Variants in PCDHGA7 observed in about 807,000 individuals in gnomAD.
PCDHGA7 encodes the protein protocadherin gamma-A7.
In PCDHGA7, 44 loss-of-function variants were observed where a neutral mutation model predicts 58.3. The ratio of observed to expected loss-of-function variants is 0.75; its 90% CI spans 0.59 to 0.97. The LOEUF (loss-of-function observed/expected upper bound fraction) is 0.97, where lower values mean the gene tolerates loss of function less well. Ranked by LOEUF, PCDHGA7 falls within the 50% of genes least tolerant of loss-of-function variation. PCDHGA7 has a pLI of 0.00. For missense variants in PCDHGA7, 1,266 were observed against 1,188.7 expected (o/e 1.06, Z -0.96); for synonymous variants, 516 against 504.2 (o/e 1.02, Z -0.31).
chr5:141,447,056 G>A (rs1452688256), intron 1 of PCDHGA7, among the ~76,000 whole-genome samples: 1 of 152,058 alleles, frequency 6.6e-6, no homozygotes, highest in Non-Finnish European at 1.5e-5. Flanking sequence ...CTATTAAAAT[G>A]TGTCAGGCTG....
intron 1 of PCDHGA7, chr5:141,433,331 C>G: frequency 1.4e-6 from 1 of 699,624 alleles, no homozygotes; most frequent in South Asian, 1.9e-5. Context: ...GTAACAGGGA[C>G]TACAGGTGCA....
At position 141,409,469 on chromosome 5, in the gene PCDHGA7, G is replaced by A. The variant is rs1477896340; in HGVS notation, c.2424+24146G>A. On this transcript the variant is annotated intron_variant, in intron 1 of 3. Coordinates refer to ENST00000518325, the MANE Select transcript of PCDHGA7 (RefSeq NM_018920.4). ...GACACCAGAATACAATGTCACCATC[G>A]TAGCCACTGACAGGGGCAAGCCGCC... 9 of 1,613,740 alleles carry A rather than the reference G, an allele frequency of 5.6e-6. No individual in the cohort carries two copies. The African/African-American group carries it at 1.1e-4, about 19-fold the overall frequency.
chr5:141,491,131 G>A lies in PCDHGA7; in HGVS notation c.2425-3676G>A. 1 of 1,614,182 alleles carries A rather than the reference G, an allele frequency of 6.2e-7. No individual in the cohort carries two copies. Among genetic ancestry groups the A allele is most frequent in the Non-Finnish European group, 8.5e-7 (1 of 1,180,008 alleles). ...TACACACACTGGTGAGGTGCGCACA[G>A]CCCGGGCCTTACTGGAGGATGACTC... On this transcript the variant is annotated intron_variant, in intron 1 of 3. Coordinates refer to ENST00000518325, the MANE Select transcript of PCDHGA7 (RefSeq NM_018920.4). This position sits in a 1 kb window ranked among gnomAD's most constrained non-coding sequence, Gnocchi z 6.9.
chr5:141,386,745 G>A (rs2090694894), intron 1 of PCDHGA7, among the ~76,000 whole-genome samples: 1 of 152,124 alleles, frequency 6.6e-6, no homozygotes, highest in Non-Finnish European at 1.5e-5. Context: ...AGATCCTATG[G>A]CAGAACTACG....
chr5:141,493,052 T>G lies in PCDHGA7; in HGVS notation c.2425-1755T>G, dbSNP rs1362566525. 6.6e-6 allele frequency among the ~76,000 whole-genome samples: 1 copy of G among 152,104 alleles called. No individual in the cohort carries two copies. The highest frequency in any genetic ancestry group is 2.4e-5 in the African/African-American group (1 of 41,416). Reference sequence around the variant, plus strand: ...CTTATGTGTGAGGAAACTACAATAGTAAAAAACACAAGTTTCTCCAACTCC... The same window carrying G: ...CTTATGTGTGAGGAAACTACAATAGGAAAAAACACAAGTTTCTCCAACTCC... On this transcript the variant is annotated intron_variant, in intron 1 of 3. Coordinates refer to ENST00000518325, the MANE Select transcript of PCDHGA7 (RefSeq NM_018920.4). This position sits in a 1 kb window ranked among gnomAD's most constrained non-coding sequence, Gnocchi z 4.3.
intron 1 of PCDHGA7, among the ~76,000 whole-genome samples, chr5:141,460,445 G>A (rs896549154): frequency 7.2e-5 from 11 of 152,144 alleles, no homozygotes; most frequent in Admixed American, 5.9e-4. Flanking sequence ...AGGTAACAAT[G>A]AAGATTCATA....
chr5:141,497,832 G>C (rs1326640712), intron 2 of PCDHGA7, among the ~76,000 whole-genome samples: 1 of 151,992 alleles, frequency 6.6e-6, no homozygotes, highest in East Asian at 1.9e-4. Context: ...GATCGCCCCC[G>C]GCCACAACAA....
Position 141,504,006 on chromosome 5 carries a change from G to C in PCDHGA7, c.2484-1387G>C, listed in dbSNP as rs138738950. Among the ~76,000 whole-genome samples, 1,431 of 152,182 alleles carry C rather than the reference G, an allele frequency of 9.4e-3. 31 individuals are homozygous for C. The highest frequency in any genetic ancestry group is 0.033 in the African/African-American group (1,367 of 41,490). On this transcript the variant is annotated intron_variant, in intron 2 of 3. Coordinates refer to ENST00000518325, the MANE Select transcript of PCDHGA7 (RefSeq NM_018920.4). The stretch of plus-strand genomic sequence containing the variant: ...CTTCTTACCTTACAGTCACTTAACT[G>C]TCTCTGCTGGTCTCTTCCCACTCAT...
chr5:141,500,005 G>A (rs994274763), intron 2 of PCDHGA7, among the ~76,000 whole-genome samples: 30 of 151,476 alleles, frequency 2.0e-4, no homozygotes, highest in Non-Finnish European at 3.8e-4. Context: ...TCTTTCATAA[G>A]GTCCACATTT....
intron 1 of PCDHGA7, chr5:141,418,549 C>T: frequency 6.2e-7 from 1 of 1,614,024 alleles, no homozygotes; most frequent in Non-Finnish European, 8.5e-7. Context: ...AGATAAGAAT[C>T]CTGGTAATAG....
Position 141,393,710 on chromosome 5 carries a change from G to T in PCDHGA7, c.2424+8387G>T, listed in dbSNP as rs143738602. On this transcript the variant is annotated intron_variant, in intron 1 of 3. Transcript: ENST00000518325. Reference sequence around the variant, plus strand: ...TATTCCAGCTTAATGAAAATACTGGGGAAATATCAATAGCAAAAAGTCTAG... The same window carrying T: ...TATTCCAGCTTAATGAAAATACTGGTGAAATATCAATAGCAAAAAGTCTAG... 837 of 1,613,794 alleles carry T rather than the reference G, an allele frequency of 5.2e-4. 2 individuals carry two copies. In the African/African-American group the frequency reaches 1.0e-2, roughly 19 times the overall value.
chr5:141,414,868 G>C, intron 1 of PCDHGA7: 1 of 1,614,216 alleles, frequency 6.2e-7, no homozygotes, highest in Non-Finnish European at 8.5e-7. Flanking sequence ...CAATGCGCCC[G>C]AGATCCTGTA....
At chr5:141,394,753 A>G (rs2093084981) in intron 1 of PCDHGA7, 1 of 1,613,278 alleles carries the variant, frequency 6.2e-7, no homozygotes, top group Admixed American at 1.7e-5. Context: ...GTGGCCGTCC[A>G]GGACCATGGC....
chr5:141,450,386 A>T (rs1208546397), intron 1 of PCDHGA7, among the ~76,000 whole-genome samples: 2 of 152,192 alleles, frequency 1.3e-5, no homozygotes, highest in Non-Finnish European at 2.9e-5. Flanking sequence ...TGAAACTGAC[A>T]TTTGTAAAGA....
chr5:141,387,741 G>A, intron 1 of PCDHGA7: 7 of 1,332,868 alleles, frequency 5.3e-6, no homozygotes, highest in Non-Finnish European at 6.1e-6. Context: ...CCTTTACACC[G>A]CTTCCTCCTC....
Position 141,400,031 on chromosome 5 carries a change from G to A in PCDHGA7, c.2424+14708G>A, listed in dbSNP as rs373709904. The A allele has an allele frequency of 2.2e-5, 36 of 1,612,964 alleles. No individual in the cohort carries two copies. In the African/African-American group the frequency reaches 4.5e-4, roughly 20 times the overall value. The stretch of plus-strand genomic sequence containing the variant: ...GCCTTGGGCGACAGGGACGCGGCCC[G>A]CCAGCGCCTGCTGGTTGCTGTGCGT... On this transcript the variant is annotated intron_variant, in intron 1 of 3. Coordinates refer to ENST00000518325, the MANE Select transcript of PCDHGA7 (RefSeq NM_018920.4).
Position 141,485,152 on chromosome 5 carries a change from A to C in PCDHGA7, c.2425-9655A>C. ...CTTCATCCGCGTCTCAGGAGCAAGT[A>C]GAGAATTAGCGGGCGGCAGCAATGC... On this transcript the variant is annotated intron_variant, in intron 1 of 3. Coordinates refer to ENST00000518325, the MANE Select transcript of PCDHGA7 (RefSeq NM_018920.4). The surrounding 1 kb of genome is among the most constrained non-coding windows in gnomAD (Gnocchi z 5.7). 8.8e-6 allele frequency: 14 copies of C among 1,586,038 alleles called. No individual in the cohort carries two copies. The highest frequency in any genetic ancestry group is 1.0e-5 in the Non-Finnish European group (12 of 1,157,128).
intron 1 of PCDHGA7, among the ~76,000 whole-genome samples, chr5:141,465,505 G>A (rs905617997): frequency 6.6e-6 from 1 of 152,190 alleles, no homozygotes; most frequent in Non-Finnish European, 1.5e-5. Flanking sequence ...CATTGTCGTG[G>A]TCAGGAAGGA....
At chr5:141,439,631 A>G (rs1459977985) in intron 1 of PCDHGA7, among the ~76,000 whole-genome samples, 2 of 152,214 alleles carry the variant, frequency 1.3e-5, no homozygotes, top group African/African-American at 2.4e-5. Context: ...ATCCCCAGAC[A>G]TTCCGGCTTG....
Sources: allele counts gnomAD v4.1 joint callset (sites outside exome capture counted in the v4.1 genomes callset), GRCh38; gene constraint gnomAD v4.1.1; non-coding constraint Gnocchi (gnomAD v3.1); transcripts MANE v1.5; gene names NCBI Gene and HGNC (gene_info 2026-07-23, HGNC 2026-07-21).